FUT9: variants seen among roughly 807,000 people sequenced by gnomAD.
The protein encoded by FUT9 is fucosyltransferase 9.
FUT9 carries 15 observed loss-of-function variants against 29.7 expected under a neutral mutation model. The ratio of observed to expected loss-of-function variants is 0.51; its 90% CI spans 0.34 to 0.78. FUT9 has a LOEUF of 0.78. Among genes scored for constraint, FUT9 ranks in the 30% least tolerant of loss-of-function variants. The pLI is 0.01. For synonymous variants in FUT9, 169 were observed against 153.7 expected (o/e 1.10, Z -0.74); for missense variants, 319 against 425.4 (o/e 0.75, Z 2.20).
intron 1 of FUT9, among the ~76,000 whole-genome samples, chr6:96,030,604 A>G (rs935307830): frequency 1.3e-5 from 2 of 151,456 alleles, no homozygotes; most frequent in African/African-American, 4.8e-5. Flanking sequence ...ATATCATATG[A>G]CCCAGCAATA....
intron 1 of FUT9, among the ~76,000 whole-genome samples, chr6:96,035,873 AT>A: frequency 9.3e-6 from 1 of 106,958 alleles, no homozygotes; most frequent in Non-Finnish European, 2.1e-5. Context: ...TTAATATAAT[AT>A]AATACATTAT....
intron 1 of FUT9, among the ~76,000 whole-genome samples, chr6:96,095,801 C>T (rs1436251596): frequency 6.6e-6 from 1 of 152,060 alleles, no homozygotes; most frequent in East Asian, 1.9e-4. Context: ...AATTACAGCT[C>T]AACTAGTTTG....
At chr6:96,196,088 G>T (rs1041561673) in intron 2 of FUT9, among the ~76,000 whole-genome samples, 2 of 152,114 alleles carry the variant, frequency 1.3e-5, no homozygotes, top group African/African-American at 4.8e-5. Context: ...TTTGGATCCT[G>T]GAATATTAGG....
chr6:96,178,511 C>G, intron 2 of FUT9, among the ~76,000 whole-genome samples: 1 of 152,088 alleles, frequency 6.6e-6, no homozygotes, highest in African/African-American at 2.4e-5. Flanking sequence ...AGATACCTCC[C>G]AGAGAAAAAT....
intron 1 of FUT9, among the ~76,000 whole-genome samples, chr6:96,060,103 A>G (rs1770846750): frequency 6.6e-6 from 1 of 152,144 alleles, no homozygotes; most frequent in Admixed American, 6.5e-5. Context: ...CACCTTACAA[A>G]ATTTTATCTT....
At chr6:96,147,442 T>C (rs1309116460) in intron 2 of FUT9, among the ~76,000 whole-genome samples, 1 of 152,124 alleles carries the variant, frequency 6.6e-6, no homozygotes, top group East Asian at 1.9e-4. Context: ...ATGCTGGGAT[T>C]ATAGGCATGA....
intron 1 of FUT9, among the ~76,000 whole-genome samples, chr6:96,090,174 A>C (rs1771386981): frequency 6.6e-6 from 1 of 152,128 alleles, no homozygotes; most frequent in Admixed American, 6.6e-5. Flanking sequence ...GATACATACA[A>C]TTTTTTGGGG....
intron 2 of FUT9, among the ~76,000 whole-genome samples, chr6:96,179,398 G>C (rs1295118390): frequency 6.6e-6 from 1 of 152,084 alleles, no homozygotes; most frequent in Non-Finnish European, 1.5e-5. Flanking sequence ...ATCAATTATA[G>C]TGTCATTATA....
intron 2 of FUT9, among the ~76,000 whole-genome samples, chr6:96,197,608 A>C: frequency 6.6e-6 from 1 of 152,176 alleles, no homozygotes. Flanking sequence ...AAAAAATCTC[A>C]TTAGGAATGG....
Position 96,176,134 on chromosome 6 carries a change from G to C in FUT9, c.-8-27014G>C, listed in dbSNP as rs1488543992. Among the ~76,000 whole-genome samples the C allele has an allele frequency of 2.0e-5, 3 of 152,100 alleles. No individual in the cohort carries two copies. The East Asian group carries it at 5.8e-4, about 29-fold the overall frequency. On this transcript the variant is annotated intron_variant, in intron 2 of 2. Transcript: ENST00000302103. ...CCCTCTCTACCTTCAGCCTTGGACC[G>C]AGAGTTACATGGCCCACTCCCTGGT... is the stretch of plus-strand genomic sequence containing the variant.
chr6:96,172,905 T>C (rs1006873719), intron 2 of FUT9, among the ~76,000 whole-genome samples: 4 of 152,092 alleles, frequency 2.6e-5, no homozygotes, highest in African/African-American at 9.7e-5. Context: ...TAGAATTAGG[T>C]GTGAAGGTTC....
intron 1 of FUT9, among the ~76,000 whole-genome samples, chr6:96,111,774 T>C (rs1771812913): frequency 6.6e-6 from 1 of 152,166 alleles, no homozygotes; most frequent in South Asian, 2.1e-4. Flanking sequence ...TGAATTCAAA[T>C]GTTGTGACAG....
intron 2 of FUT9, among the ~76,000 whole-genome samples, chr6:96,115,903 T>C (rs1009335784): frequency 6.6e-6 from 1 of 152,170 alleles, no homozygotes; most frequent in Admixed American, 6.5e-5. Flanking sequence ...ACTTGCTTTG[T>C]TGTAACTAAA....
chr6:96,096,881 C>T (rs911223703), intron 1 of FUT9, among the ~76,000 whole-genome samples: 2 of 152,036 alleles, frequency 1.3e-5, no homozygotes, highest in East Asian at 3.9e-4. Flanking sequence ...TTCAACTCTT[C>T]CTTCCAGAAC....
At chr6:96,128,920 T>A (rs1310471943) in intron 2 of FUT9, among the ~76,000 whole-genome samples, 4 of 148,856 alleles carry the variant, frequency 2.7e-5, no homozygotes, top group Non-Finnish European at 6.0e-5. Context: ...AGCCCAGGAG[T>A]TCAAGATCAG....
At chr6:96,114,638 GTAATT>G (rs2127962142) in intron 2 of FUT9, among the ~76,000 whole-genome samples, 1 of 151,034 alleles carries the variant, frequency 6.6e-6, no homozygotes, top group Admixed American at 6.6e-5. Flanking sequence ...ATTCATATAT[GTAATT>G]TATTTAATAA....
chr6:96,188,260 G>A (rs1366978466), intron 2 of FUT9, among the ~76,000 whole-genome samples: 1 of 152,070 alleles, frequency 6.6e-6, no homozygotes, highest in African/African-American at 2.4e-5. Flanking sequence ...TTTTGTGTGT[G>A]TGTGTATGTA....
chr6:96,189,388 C>G (rs953431950), intron 2 of FUT9, among the ~76,000 whole-genome samples: 1 of 151,624 alleles, frequency 6.6e-6, no homozygotes, highest in African/African-American at 2.4e-5. Flanking sequence ...ATCTTATAAG[C>G]AATTGGAATT....
intron 2 of FUT9, among the ~76,000 whole-genome samples, chr6:96,167,661 G>A (rs1239192948): frequency 6.6e-6 from 1 of 152,122 alleles, no homozygotes; most frequent in African/African-American, 2.4e-5. Context: ...GATGTCAAAA[G>A]TACTAAGGAT....
Sources: allele counts gnomAD v4.1 joint callset (sites outside exome capture counted in the v4.1 genomes callset), GRCh38; gene constraint gnomAD v4.1.1; transcripts MANE v1.5; gene names NCBI Gene and HGNC (gene_info 2026-07-23, HGNC 2026-07-21).